DPY19L3: variants seen among roughly 807,000 people sequenced by gnomAD.
DPY19L3 encodes the protein protein C-mannosyl-transferase DPY19L3.
DPY19L3 carries 51 observed loss-of-function variants against 92.3 expected under a neutral mutation model. The observed-to-expected ratio is 0.55, with a 90% CI of 0.44 to 0.70. The LOEUF (loss-of-function observed/expected upper bound fraction) is 0.70. DPY19L3 is among the 30% of genes least tolerant of loss of function. The pLI is 0.00. For synonymous variants in DPY19L3, 309 were observed against 315.2 expected (o/e 0.98, Z 0.21); for missense variants, 706 against 855.9 (o/e 0.82, Z 2.18).
In DPY19L3 at chr19:32,436,552, A is replaced by G. The variant is rs147019025; in HGVS notation, c.435A>G (p.Arg145=). ...YQEVFLSILY[R]VLPIQKYLEP... is the part of the protein sequence containing the mutation. ...AGGTTTTTCTCAGTATTTTATATAG[A>G]GTTCTACCCATACAGGTATGTTTTG... The change falls in exon 5 of 19, where the codon AGA becomes AGG. Residue 145 remains arginine (R), a synonymous_variant. Coordinates refer to ENST00000392250, the MANE Select transcript of DPY19L3 (RefSeq NM_001172774.2). 9 of 1,548,440 alleles carry G rather than the reference A, an allele frequency of 5.8e-6. No homozygotes were observed. The highest frequency in any genetic ancestry group is 2.7e-5 in the African/African-American group (2 of 72,798).
rs1967916364 is a variant in DPY19L3, at chr19:32,405,796, T to G, written c.-151T>G. 6.6e-6 allele frequency: 1 copy of G among 152,194 alleles called. No individual in the cohort carries two copies. 9.4% of individuals were successfully genotyped at this position (152,194 alleles called of 1,614,324 possible). ...TTTCCACAAAGCTCCGCGGCGGTTCTGCCCTCCTTGTACCCGCGGCGCGCT... is the reference window on the plus strand; with the variant it reads ...TTTCCACAAAGCTCCGCGGCGGTTCGGCCCTCCTTGTACCCGCGGCGCGCT... On this transcript the variant is annotated 5_prime_UTR_variant, in exon 1 of 19. Coordinates refer to ENST00000392250, the MANE Select transcript of DPY19L3 (RefSeq NM_001172774.2).
At chr19:32,460,844 CTTGTTTTGTTTTGTTTTGTT>C (rs59020860) in intron 12 of DPY19L3, among the ~76,000 whole-genome samples, 3 of 148,266 alleles carry the variant, frequency 2.0e-5, no homozygotes, top group Middle Eastern at 3.5e-3. Context: ...GATACTATGA[CTTGTTTTGTTTTGTTTTGTT>C]TTGTTTTGTT....
chr19:32,475,658 T>C (rs1970484426), intron 16 of DPY19L3, among the ~76,000 whole-genome samples: 1 of 152,272 alleles, frequency 6.6e-6, no homozygotes, highest in African/African-American at 2.4e-5. Flanking sequence ...GTTTAGTAAG[T>C]GTCAGTTGAA....
intron 8 of DPY19L3, among the ~76,000 whole-genome samples, chr19:32,450,087 A>C (rs750041293): frequency 5.3e-5 from 8 of 152,196 alleles, no homozygotes; most frequent in Non-Finnish European, 1.0e-4. Context: ...ATTTGGGTAG[A>C]TATTTCTCCA....
intron 5 of DPY19L3, among the ~76,000 whole-genome samples, chr19:32,436,943 A>C (rs751247165): frequency 1.8e-4 from 28 of 151,992 alleles, no homozygotes; most frequent in Non-Finnish European, 3.4e-4. Flanking sequence ...TCATCAGACA[A>C]AGTTAGGTAT....
At chr19:32,445,693 C>A (rs1969475573) in intron 8 of DPY19L3, among the ~76,000 whole-genome samples, 1 of 152,180 alleles carries the variant, frequency 6.6e-6, no homozygotes, top group African/African-American at 2.4e-5. Flanking sequence ...TTTTCTTATT[C>A]TCTTGAGTTT....
chr19:32,458,230 TAAAACTTA>T (rs1212617843), intron 11 of DPY19L3, 57 bp downstream of exon 11: 4 of 1,586,882 alleles, frequency 2.5e-6, no homozygotes, highest in Non-Finnish European at 3.4e-6. Context: ...GCAGGGACTT[TAAAACTTA>T]AGTTGTCATT....
intron 16 of DPY19L3, among the ~76,000 whole-genome samples, chr19:32,472,679 T>A (rs1970394410): frequency 6.6e-6 from 1 of 152,218 alleles, no homozygotes; most frequent in African/African-American, 2.4e-5. Context: ...TTCCTTTGTG[T>A]CCTTGAATGT....
chr19:32,469,494 TAA>T (rs1189739601), intron 16 of DPY19L3, among the ~76,000 whole-genome samples: 22 of 124,136 alleles, frequency 1.8e-4, no homozygotes, highest in Admixed American at 4.2e-4. Flanking sequence ...AGACTCTCTC[TAA>T]AAAAAAAAAA....
At chr19:32,455,138 T>C (rs1393993500) in intron 10 of DPY19L3, 98 bp downstream of exon 10, 6 of 818,426 alleles carry the variant, frequency 7.3e-6, no homozygotes, top group Admixed American at 3.7e-5. Context: ...AATAAACTAA[T>C]TGTTTTAGAG....
chr19:32,431,898 A>G (rs1388502771), intron 3 of DPY19L3, among the ~76,000 whole-genome samples: 1 of 152,228 alleles, frequency 6.6e-6, no homozygotes, highest in Non-Finnish European at 1.5e-5. Flanking sequence ...AAAAAATATG[A>G]CATACCATCA....
intron 15 of DPY19L3, chr19:32,468,443 C>A (rs1052929074): frequency 3.7e-5 from 40 of 1,080,642 alleles, no homozygotes; most frequent in Non-Finnish European, 4.3e-5. Context: ...ATTATCATCA[C>A]ATACAATAGC....
rs1182375717 is a variant in DPY19L3, at chr19:32,468,416, A to C, written c.1615-315A>C. The C allele has an allele frequency of 2.9e-6, 3 of 1,033,200 alleles. No individual in the cohort carries two copies. The African/African-American group carries it at 5.1e-5, about 18-fold the overall frequency. The allele number at this position is 1,033,200 out of a possible 1,614,324, so 64.0% of individuals were successfully genotyped here. The stretch of plus-strand genomic sequence containing the variant: ...TGGTTGGCATTCTTGTCATGTCAAA[A>C]TAATGTTTTGCCAGGTATTATCATC... On this transcript the variant is annotated intron_variant, in intron 15 of 18. Transcript: ENST00000392250.
At chr19:32,425,480 G>A (rs1968726895) in intron 3 of DPY19L3, among the ~76,000 whole-genome samples, 1 of 152,096 alleles carries the variant, frequency 6.6e-6, no homozygotes, top group African/African-American at 2.4e-5. Flanking sequence ...GAACCCGGGA[G>A]GCAGAGGTTG....
intron 17 of DPY19L3, chr19:32,479,508 T>C (rs1306035670): frequency 2.2e-5 from 8 of 359,840 alleles, no homozygotes; most frequent in Non-Finnish European, 3.8e-5. Flanking sequence ...TGCTGGACTG[T>C]AGGACAACAC....
At chr19:32,463,241 A>G in intron 12 of DPY19L3, 125 bp from the exon 13 acceptor site, 1 of 1,080,208 alleles carries the variant, frequency 9.3e-7, no homozygotes, top group Non-Finnish European at 1.3e-6. Context: ...AATTCATTTC[A>G]TCTTATGGAA....
intron 16 of DPY19L3, among the ~76,000 whole-genome samples, chr19:32,470,043 AGG>A (rs1970310433): frequency 2.6e-5 from 4 of 152,182 alleles, no homozygotes; most frequent in Admixed American, 2.6e-4. Context: ...TTGACAGCTG[AGG>A]CCTCCCTAGG....
chr19:32,425,169 A>G (rs948001448), intron 3 of DPY19L3, among the ~76,000 whole-genome samples: 2 of 152,208 alleles, frequency 1.3e-5, no homozygotes, highest in African/African-American at 2.4e-5. Context: ...GAGTAGGCCA[A>G]AACTTCATAG....
chr19:32,473,810 A>AT (rs930592507), intron 16 of DPY19L3, among the ~76,000 whole-genome samples: 1 of 152,084 alleles, frequency 6.6e-6, no homozygotes, highest in African/African-American at 2.4e-5. Context: ...TTTTGGTTTT[A>AT]TTTTATTTAT....
Sources: gnomAD v4.1 joint callset for allele counts (sites outside exome capture counted in the v4.1 genomes callset) on GRCh38, gnomAD v4.1.1 for gene constraint, MANE v1.5 for transcripts, NCBI Gene and HGNC (gene_info 2026-07-23, HGNC 2026-07-21) for gene names.